The following SKAP2 variants were observed in gnomAD, a reference collection of about 807,000 sequenced individuals.
The protein encoded by SKAP2 is src kinase associated phosphoprotein 2.
SKAP2 carries 28 observed loss-of-function variants against 54.9 expected under a neutral mutation model. The observed-to-expected ratio is 0.51, with a 90% CI of 0.38 to 0.70. SKAP2 has a LOEUF of 0.70. Among genes scored for constraint, SKAP2 ranks in the 30% least tolerant of loss-of-function variants. The probability of loss-of-function intolerance (pLI) is 0.00; values close to 1 mark genes in which losing one functional copy is unlikely to be tolerated. For missense variants in SKAP2, 356 were observed against 424.1 expected (o/e 0.84, Z 1.41); for synonymous variants, 137 against 134.3 (o/e 1.02, Z -0.14).
At chr7:26,800,569 G>T (rs988083677) in intron 4 of SKAP2, among the ~76,000 whole-genome samples, 2 of 152,074 alleles carry the variant, frequency 1.3e-5, no homozygotes, top group Admixed American at 6.5e-5. Context: ...CAAAAAGTTG[G>T]TTTTTTGAAA....
At chr7:26,854,194 G>A in intron 2 of SKAP2, 32 bp from the exon 3 acceptor site, 1 of 1,468,052 alleles carries the variant, frequency 6.8e-7, no homozygotes, top group Non-Finnish European at 9.3e-7. Flanking sequence ...TTTAAATGAG[G>A]TTGAAAAATC....
chr7:26,776,114 G>A (rs182642482), intron 4 of SKAP2, among the ~76,000 whole-genome samples: 2 of 151,966 alleles, frequency 1.3e-5, no homozygotes, highest in Admixed American at 1.3e-4. Flanking sequence ...CCCCTAAAAC[G>A]CTCTTCTCCT....
In SKAP2 at chr7:26,713,556, T is replaced by C. The variant is rs563848982; in HGVS notation, c.796+11872A>G. 3.9e-5 allele frequency among the ~76,000 whole-genome samples: 6 copies of C among 151,912 alleles called. No individual in the cohort carries two copies. The South Asian group carries it at 8.3e-4, about 21-fold the overall frequency. The stretch of plus-strand genomic sequence containing the variant: ...ACAATCAGTAAAAAGCAACAGGAAA[T>C]GTGGAAATGTAATACAGTGCTAAGA... On this transcript the variant is annotated intron_variant, in intron 9 of 12. Coordinates refer to ENST00000345317, the MANE Select transcript of SKAP2 (RefSeq NM_003930.5).
At chr7:26,657,478 A>C in the SKAP2 span, among the ~76,000 whole-genome samples, 3 of 152,214 alleles carry the variant, frequency 2.0e-5, no homozygotes, top group Admixed American at 6.5e-5. Flanking sequence ...TGATTGCTGC[A>C]CTGGTGGCTT....
At chr7:26,699,196 A>G (rs1436313831) in intron 9 of SKAP2, among the ~76,000 whole-genome samples, 1 of 152,210 alleles carries the variant, frequency 6.6e-6, no homozygotes, top group Non-Finnish European at 1.5e-5. Context: ...GTCTGGGTAC[A>G]ATATCAAAAA....
intron 3 of SKAP2, among the ~76,000 whole-genome samples, chr7:26,851,056 CA>C (rs989210039): frequency 6.6e-6 from 1 of 151,388 alleles, no homozygotes; most frequent in Non-Finnish European, 1.5e-5. Flanking sequence ...ATGGAAATAC[CA>C]AAAAAATCTC....
At position 26,807,102 on chromosome 7, in the gene SKAP2, A is replaced by T. The variant is rs897258996; in HGVS notation, c.307+36928T>A. On this transcript the variant is annotated intron_variant, in intron 4 of 12. Coordinates refer to ENST00000345317, the MANE Select transcript of SKAP2 (RefSeq NM_003930.5). ...AAGGGATGCAAAGTTGCTTCTTAGG[A>T]TGAGCAAAAAAAGTGGTTTCTTGCG... 3.3e-5 allele frequency among the ~76,000 whole-genome samples: 5 copies of T among 152,216 alleles called. 1 individual carries two copies. In the South Asian group the frequency reaches 1.0e-3, roughly 31 times the overall value.
chr7:26,850,172 A>G (rs952979309), intron 3 of SKAP2, among the ~76,000 whole-genome samples: 2 of 152,236 alleles, frequency 1.3e-5, no homozygotes, highest in African/African-American at 4.8e-5. Context: ...TATGTGATAG[A>G]GAACAATGCT....
At chr7:26,814,716 G>A (rs1411630574) in intron 4 of SKAP2, among the ~76,000 whole-genome samples, 3 of 152,058 alleles carry the variant, frequency 2.0e-5, no homozygotes, top group African/African-American at 7.2e-5. Flanking sequence ...AAAGGGCCTT[G>A]TAAAAGATGT....
At chr7:26,704,634 T>C (rs1176394799) in intron 9 of SKAP2, among the ~76,000 whole-genome samples, 1 of 152,182 alleles carries the variant, frequency 6.6e-6, no homozygotes, top group Non-Finnish European at 1.5e-5. Context: ...TAAAATAGGT[T>C]ATAATGGCTG....
At chr7:26,841,694 G>A (rs1328471480) in intron 4 of SKAP2, among the ~76,000 whole-genome samples, 1 of 151,998 alleles carries the variant, frequency 6.6e-6, no homozygotes, top group East Asian at 1.9e-4. Flanking sequence ...AAATATTAAA[G>A]CAAAAGACAG....
chr7:26,755,005 CTTA>C (rs1386958113), intron 4 of SKAP2, among the ~76,000 whole-genome samples: 2 of 152,150 alleles, frequency 1.3e-5, no homozygotes, highest in Non-Finnish European at 2.9e-5. Context: ...ATGGTAAGAT[CTTA>C]TAATAAGATA....
rs1562640687 is a variant in SKAP2, at chr7:26,864,564, C to T, written c.-135G>A. On this transcript the variant is annotated 5_prime_UTR_variant, in exon 1 of 13. Coordinates refer to ENST00000345317, the MANE Select transcript of SKAP2 (RefSeq NM_003930.5). The stretch of plus-strand genomic sequence containing the variant: ...GCGGGGCTACGAGTCGGGACACTGC[C>T]GGGCCGGGGCTCACAACAAGGAAGT... 3.5e-6 allele frequency: 5 copies of T among 1,425,134 alleles called. No individual in the cohort carries two copies. Among genetic ancestry groups the T allele is most frequent in the East Asian group, 5.4e-5 (2 of 36,892 alleles). 88.3% of individuals were successfully genotyped at this position (1,425,134 alleles called of 1,614,324 possible).
intron 4 of SKAP2, among the ~76,000 whole-genome samples, chr7:26,842,929 G>A (rs923758534): frequency 6.6e-6 from 1 of 151,772 alleles, no homozygotes. Flanking sequence ...GTTTGCCGAA[G>A]CATAAAATTC....
At chr7:26,781,233 G>A (rs1783419939) in intron 4 of SKAP2, among the ~76,000 whole-genome samples, 1 of 152,076 alleles carries the variant, frequency 6.6e-6, no homozygotes, top group Non-Finnish European at 1.5e-5. Context: ...AGTGCATATT[G>A]CATGACAGTA....
At chr7:26,834,162 A>T (rs1282592539) in intron 4 of SKAP2, among the ~76,000 whole-genome samples, 1 of 152,232 alleles carries the variant, frequency 6.6e-6, no homozygotes, top group Non-Finnish European at 1.5e-5. Context: ...CAAAGACACA[A>T]TGTACCAGAA....
Position 26,856,174 on chromosome 7 carries a change from TAAG to T in SKAP2, c.68-1287_68-1285del, listed in dbSNP as rs1358991530. On this transcript the variant is annotated intron_variant, in intron 1 of 12. Transcript: ENST00000345317. ...AAGTCAATATGACAAGTAAAATAAT[TAAG>T]AATACTGTAATAATTTAAAAAAAAT... Among the ~76,000 whole-genome samples, 9 of 150,118 alleles carry T rather than the reference TAAG, an allele frequency of 6.0e-5. No individual in the cohort carries two copies. In the East Asian group the frequency reaches 1.5e-3, roughly 26 times the overall value.
chr7:26,777,340 A>G (rs1397156674), intron 4 of SKAP2, among the ~76,000 whole-genome samples: 1 of 152,154 alleles, frequency 6.6e-6, no homozygotes, highest in African/African-American at 2.4e-5. Flanking sequence ...CAGACATAAG[A>G]TCTTTTTCTC....
At chr7:26,685,360 TA>T (rs1786611933) in intron 10 of SKAP2, among the ~76,000 whole-genome samples, 1 of 152,016 alleles carries the variant, frequency 6.6e-6, no homozygotes, top group Non-Finnish European at 1.5e-5. Flanking sequence ...AAAAAAATAC[TA>T]AACCCTAGAG....
Sources: gnomAD v4.1 joint callset for allele counts (sites outside exome capture counted in the v4.1 genomes callset) on GRCh38, gnomAD v4.1.1 for gene constraint, MANE v1.5 for transcripts, NCBI Gene and HGNC (gene_info 2026-07-23, HGNC 2026-07-21) for gene names.